The following FRMD3 variants were observed in gnomAD, a reference collection of about 807,000 sequenced individuals.
FRMD3 encodes FERM domain-containing protein 3.
Under a neutral mutation model 70.2 loss-of-function variants are expected in FRMD3, and 33 were observed. That is an observed-to-expected ratio of 0.47 (90% CI 0.36 to 0.63). The LOEUF (loss-of-function observed/expected upper bound fraction) is 0.63, where lower values mean the gene tolerates loss of function less well. FRMD3 is among the 20% of genes least tolerant of loss of function. The pLI, the probability that FRMD3 is intolerant of heterozygous loss-of-function variation, is 0.00. For missense variants in FRMD3, 632 were observed against 711.4 expected, an observed-to-expected ratio of 0.89 and a Z score of 1.27; for synonymous variants, 279 against 255.9, an observed-to-expected ratio of 1.09 and a Z score of -0.86.
At chr9:83,559,940 T>C in the FRMD3 span, among the ~76,000 whole-genome samples, 12 of 152,252 alleles carry the variant, frequency 7.9e-5, no homozygotes, top group South Asian at 2.5e-3. Flanking sequence ...TTATTATAAG[T>C]ATATACAGAG....
intron 3 of FRMD3, among the ~76,000 whole-genome samples, chr9:83,371,782 G>C (rs1347269756): frequency 2.0e-5 from 3 of 151,968 alleles, no homozygotes; most frequent in African/African-American, 7.3e-5. Context: ...TCACTAACCA[G>C]ACAGAGTTTG....
intron 13 of FRMD3, among the ~76,000 whole-genome samples, chr9:83,250,707 G>C (rs1832366405): frequency 6.6e-6 from 1 of 152,178 alleles, no homozygotes; most frequent in Admixed American, 6.5e-5. Context: ...GAAGAGGAAG[G>C]GTACCCCACA....
In FRMD3 at chr9:83,245,875, C is replaced by T. The variant is rs551093211; in HGVS notation, c.*2043G>A. 2.6e-5 allele frequency: 26 copies of T among 984,562 alleles called. No homozygotes were observed. Among genetic ancestry groups the T allele is most frequent in the Non-Finnish European group, 3.1e-5 (26 of 829,266 alleles). 61.0% of individuals were successfully genotyped at this position (984,562 alleles called of 1,614,324 possible). A position where few individuals can be genotyped will look rare whatever the true frequency, so the allele number is the denominator to read the frequency against. On this transcript the variant is annotated 3_prime_UTR_variant, in exon 14 of 14. Coordinates refer to ENST00000304195, the MANE Select transcript of FRMD3 (RefSeq NM_174938.6). ...TTCAAACCTAGCCATCTGCAAGCTT[C>T]CAAAATAAATTGTTGAGGATTCCAA... is the stretch of plus-strand genomic sequence containing the variant.
intron 1 of FRMD3, among the ~76,000 whole-genome samples, chr9:83,490,762 CT>C (rs1278668238): frequency 9.4e-5 from 11 of 116,620 alleles, no homozygotes; most frequent in African/African-American, 3.6e-4. Context: ...TTTTTACTCT[CT>C]TCTCTCTCTC....
chr9:83,378,781 AT>A (rs1314950237), intron 2 of FRMD3, among the ~76,000 whole-genome samples: 2 of 93,240 alleles, frequency 2.1e-5, no homozygotes, highest in African/African-American at 8.2e-5. Context: ...TATAATATAT[AT>A]TATATATGTA....
At chr9:83,344,525 G>A (rs1463519129) in intron 4 of FRMD3, among the ~76,000 whole-genome samples, 2 of 152,170 alleles carry the variant, frequency 1.3e-5, no homozygotes, top group African/African-American at 4.8e-5. Flanking sequence ...AATCCATTGA[G>A]AGACTGAATA....
chr9:83,258,692 G>A (rs1344866090), intron 13 of FRMD3, among the ~76,000 whole-genome samples: 2 of 152,218 alleles, frequency 1.3e-5, no homozygotes, highest in Admixed American at 6.5e-5. Flanking sequence ...GAGTCTGGGT[G>A]CCTTGGAGTA....
chr9:83,343,058 A>G lies in FRMD3; in HGVS notation c.472+132T>C, dbSNP rs60657254. The G allele has an allele frequency of 9.9e-5, 69 of 694,748 alleles. No individual in the cohort carries two copies. In the African/African-American group the frequency reaches 1.1e-3, roughly 11 times the overall value. The allele number at this position is 694,748 out of a possible 1,614,324, so 43.0% of individuals were successfully genotyped here. On this transcript the variant is annotated intron_variant, in intron 5 of 13. Coordinates refer to ENST00000304195, the MANE Select transcript of FRMD3 (RefSeq NM_174938.6). The stretch of plus-strand genomic sequence containing the variant: ...GAAGGTGAGTTGGGGTTCTGTTGCT[A>G]CGTACCCAGCCCTACATGGTCTCCA...
chr9:83,395,336 G>A (rs911136604), intron 1 of FRMD3, among the ~76,000 whole-genome samples: 7 of 149,668 alleles, frequency 4.7e-5, no homozygotes, highest in Non-Finnish European at 1.0e-4. Flanking sequence ...TTATTCATTT[G>A]AGTTTTATTT....
chr9:83,283,809 A>G (rs973337346), intron 13 of FRMD3, among the ~76,000 whole-genome samples: 1 of 152,180 alleles, frequency 6.6e-6, no homozygotes, highest in East Asian at 1.9e-4. Flanking sequence ...ACTTTTTATG[A>G]GTTCCTTCTA....
intron 1 of FRMD3, among the ~76,000 whole-genome samples, chr9:83,519,508 A>G (rs1359413275): frequency 3.9e-5 from 6 of 152,194 alleles, no homozygotes; most frequent in Non-Finnish European, 8.8e-5. Context: ...GCTGGAGAGG[A>G]TGTGGAGAAA....
rs151305025 is a variant in FRMD3, at chr9:83,317,144, A to T, written c.597-3397T>A. On this transcript the variant is annotated intron_variant, in intron 6 of 13. Coordinates refer to ENST00000304195, the MANE Select transcript of FRMD3 (RefSeq NM_174938.6). ...AGATCCTGTCTTAAAAAAAAAATACAGAAAACAAACTTATTGAATTCACAT... is the reference window on the plus strand; with the variant it reads ...AGATCCTGTCTTAAAAAAAAAATACTGAAAACAAACTTATTGAATTCACAT... Among the ~76,000 whole-genome samples the T allele has an allele frequency of 4.0e-3, 605 of 152,098 alleles. 1 individual carries two copies. The highest frequency in any genetic ancestry group is 0.014 in the African/African-American group (572 of 41,462).
chr9:83,501,170 T>C (rs1829059784), intron 1 of FRMD3, among the ~76,000 whole-genome samples: 1 of 152,176 alleles, frequency 6.6e-6, no homozygotes, highest in Non-Finnish European at 1.5e-5. Context: ...CACTTCCTTC[T>C]GTAGTCCCAG....
At chr9:83,440,106 G>T (rs1187500836) in intron 1 of FRMD3, among the ~76,000 whole-genome samples, 3 of 152,236 alleles carry the variant, frequency 2.0e-5, no homozygotes, top group African/African-American at 7.2e-5. Flanking sequence ...TGCCCAAGAG[G>T]ATTCTCTGGT....
intron 13 of FRMD3, among the ~76,000 whole-genome samples, chr9:83,252,363 T>G (rs976244870): frequency 5.3e-5 from 8 of 152,156 alleles, no homozygotes; most frequent in African/African-American, 1.7e-4. Context: ...CAAGAGCTCC[T>G]GAAGGAAGTA....
At chr9:83,297,817 C>G (rs1433838116) in intron 12 of FRMD3, 2 of 471,830 alleles carry the variant, frequency 4.2e-6, no homozygotes, top group East Asian at 6.9e-5. Flanking sequence ...CTGTACACAT[C>G]TACATGGGAT....
intron 10 of FRMD3, among the ~76,000 whole-genome samples, chr9:83,308,525 C>T (rs545410809): frequency 3.9e-5 from 6 of 152,202 alleles, no homozygotes; most frequent in South Asian, 4.2e-4. Context: ...TCAAAAGCCA[C>T]CTGGATGAGG....
chr9:83,574,100 C>T, the FRMD3 span, among the ~76,000 whole-genome samples: 1 of 152,188 alleles, frequency 6.6e-6, no homozygotes, highest in African/African-American at 2.4e-5. Flanking sequence ...TTATGTAACA[C>T]AACCATCTTC....
At chr9:83,512,658 C>T (rs1270499871) in intron 1 of FRMD3, among the ~76,000 whole-genome samples, 26 of 152,198 alleles carry the variant, frequency 1.7e-4, no homozygotes, top group Admixed American at 1.7e-3. Flanking sequence ...AAATCTCCAG[C>T]CCTTCCCTTC....
Sources: gnomAD v4.1 joint callset for allele counts (sites outside exome capture counted in the v4.1 genomes callset) on GRCh38, gnomAD v4.1.1 for gene constraint, MANE v1.5 for transcripts, NCBI Gene and HGNC (gene_info 2026-07-23, HGNC 2026-07-21) for gene names.